The following TPD52L1 variants were observed in gnomAD, a reference collection of about 807,000 sequenced individuals.
The protein encoded by TPD52L1 is TPD52 like 1.
A neutral mutation model predicts 28.7 loss-of-function variants in TPD52L1; 18 were observed. That is an observed-to-expected ratio of 0.63 (90% CI 0.43 to 0.93). The LOEUF (loss-of-function observed/expected upper bound fraction) is 0.93, where lower values mean the gene tolerates loss of function less well. Ranked by LOEUF, TPD52L1 falls within the 40% of genes least tolerant of loss-of-function variation. The pLI, the probability that TPD52L1 is intolerant of heterozygous loss-of-function variation, is 0.00. For missense variants in TPD52L1, 203 were observed against 254.8 expected, an observed-to-expected ratio of 0.80 and a Z score of 1.39; for synonymous variants, 75 against 88.8, an observed-to-expected ratio of 0.84 and a Z score of 0.88.
At chr6:125,194,185 C>T (rs1324164706) in intron 1 of TPD52L1, among the ~76,000 whole-genome samples, 1 of 151,872 alleles carries the variant, frequency 6.6e-6, no homozygotes, top group Non-Finnish European at 1.5e-5. Flanking sequence ...GTGACTTTTT[C>T]CATTTCCTTT....
At chr6:125,213,875 C>T (rs4395737) in intron 1 of TPD52L1, among the ~76,000 whole-genome samples, 9,455 of 152,074 alleles carry the variant, frequency 0.062, 937 homozygotes, top group African/African-American at 0.21. Flanking sequence ...GGGTGGCATG[C>T]CCAAAAGGGA....
At chr6:125,159,956 A>G (rs1790408236) in intron 1 of TPD52L1, among the ~76,000 whole-genome samples, 1 of 152,142 alleles carries the variant, frequency 6.6e-6, no homozygotes, top group South Asian at 2.1e-4. Flanking sequence ...GGTCTTTCCC[A>G]TGCTGTTCTC....
chr6:125,241,630 C>T (rs1796616886), intron 3 of TPD52L1, among the ~76,000 whole-genome samples: 1 of 151,736 alleles, frequency 6.6e-6, no homozygotes, highest in Non-Finnish European at 1.5e-5. Context: ...TTTGTAGTAG[C>T]CTTGAATGTT....
chr6:125,216,318 T>C (rs2114948774), intron 1 of TPD52L1, among the ~76,000 whole-genome samples: 1 of 152,086 alleles, frequency 6.6e-6, no homozygotes, highest in East Asian at 1.9e-4. Flanking sequence ...GGATAGGAAG[T>C]CATCGTGAAG....
intron 1 of TPD52L1, among the ~76,000 whole-genome samples, chr6:125,213,662 G>A (rs1240694915): frequency 2.6e-5 from 4 of 152,120 alleles, no homozygotes; most frequent in Non-Finnish European, 4.4e-5. Flanking sequence ...CCTATCCATG[G>A]TTAACTGACT....
intron 6 of TPD52L1, chr6:125,260,986 G>GAAAAGA: frequency 3.9e-5 from 1 of 25,546 alleles, no homozygotes; most frequent in South Asian, 1.7e-3. Flanking sequence ...GAAAAGAAAA[G>GAAAAGA]AAAGAAAGAA....
At chr6:125,173,808 C>T (rs961602749) in intron 1 of TPD52L1, among the ~76,000 whole-genome samples, 2 of 152,104 alleles carry the variant, frequency 1.3e-5, no homozygotes, top group African/African-American at 4.8e-5. Context: ...GATGCTGATA[C>T]TTCTCGTTTA....
chr6:125,228,662 G>A (rs2114985535), intron 2 of TPD52L1, among the ~76,000 whole-genome samples: 1 of 152,284 alleles, frequency 6.6e-6, no homozygotes, highest in African/African-American at 2.4e-5. Flanking sequence ...TCAACATAGT[G>A]AGACCCTGTC....
chr6:125,255,520 C>A (rs754932533), intron 5 of TPD52L1, among the ~76,000 whole-genome samples: 31 of 152,148 alleles, frequency 2.0e-4, no homozygotes, highest in Non-Finnish European at 3.7e-4. Flanking sequence ...TCTGAATTCA[C>A]CATTGTTAAT....
At chr6:125,230,638 G>A (rs751394687) in intron 3 of TPD52L1, among the ~76,000 whole-genome samples, 21 of 152,136 alleles carry the variant, frequency 1.4e-4, no homozygotes, top group Non-Finnish European at 2.8e-4. Flanking sequence ...TTGCTCCTAT[G>A]AGAAGATGTC....
chr6:125,172,542 A>AC lies in TPD52L1; in HGVS notation c.19+18572_19+18573insC, dbSNP rs1385683074. ...TATATATATATATATATATATATAT[A>AC]TATATATATAATATATATACTATAT... On this transcript the variant is annotated intron_variant, in intron 1 of 6. Transcript: ENST00000534000. 4.1e-4 allele frequency among the ~76,000 whole-genome samples: 38 copies of AC among 93,670 alleles called. 2 individuals carry two copies. The highest frequency in any genetic ancestry group is 1.5e-3 in the East Asian group (3 of 1,948). 61.5% of individuals were successfully genotyped at this position (93,670 alleles called of 152,430 possible). A position where few individuals can be genotyped will look rare whatever the true frequency, so the allele number is the denominator to read the frequency against.
At chr6:125,167,278 A>T (rs1454844944) in intron 1 of TPD52L1, among the ~76,000 whole-genome samples, 2 of 151,522 alleles carry the variant, frequency 1.3e-5, no homozygotes, top group African/African-American at 4.9e-5. Context: ...ACAAAAAAAC[A>T]CCTCTTATGG....
chr6:125,179,808 G>A (rs1384249483), intron 1 of TPD52L1, among the ~76,000 whole-genome samples: 1 of 152,102 alleles, frequency 6.6e-6, no homozygotes, highest in Non-Finnish European at 1.5e-5. Context: ...TTTATAGATG[G>A]AAATGTGAAG....
intron 1 of TPD52L1, among the ~76,000 whole-genome samples, chr6:125,177,102 G>A (rs886643007): frequency 6.6e-5 from 10 of 152,114 alleles, no homozygotes; most frequent in East Asian, 5.8e-4. Context: ...ATACAGTAAC[G>A]GCTGCTACTT....
intron 1 of TPD52L1, among the ~76,000 whole-genome samples, chr6:125,202,638 T>A (rs572060209): frequency 6.6e-6 from 1 of 152,322 alleles, no homozygotes; most frequent in East Asian, 1.9e-4. Flanking sequence ...TGACTTTTTA[T>A]TAATGAGCTT....
intron 3 of TPD52L1, among the ~76,000 whole-genome samples, chr6:125,247,490 T>G (rs528561122): frequency 2.0e-5 from 3 of 152,270 alleles, no homozygotes; most frequent in African/African-American, 4.8e-5. Context: ...ATCTGTCCAT[T>G]CTATCCCTGT....
chr6:125,155,364 A>C (rs1252110203), intron 1 of TPD52L1, among the ~76,000 whole-genome samples: 1 of 152,246 alleles, frequency 6.6e-6, no homozygotes, highest in African/African-American at 2.4e-5. Context: ...TGGAACCTGA[A>C]CATGGGTATA....
intron 4 of TPD52L1, chr6:125,251,877 A>G (rs1797288847): frequency 5.7e-6 from 4 of 700,386 alleles, no homozygotes; most frequent in Non-Finnish European, 9.5e-6. Flanking sequence ...TTAAAAAGTC[A>G]GTGTAATCAA....
At chr6:125,261,678 T>A (rs1798068261) in intron 6 of TPD52L1, 2 of 152,156 alleles carry the variant, frequency 1.3e-5, no homozygotes, top group Admixed American at 1.3e-4. Flanking sequence ...TTTTTCCTTT[T>A]TGTATTATGA....
Sources: allele counts gnomAD v4.1 joint callset (sites outside exome capture counted in the v4.1 genomes callset), GRCh38; gene constraint gnomAD v4.1.1; transcripts MANE v1.5; gene names NCBI Gene and HGNC (gene_info 2026-07-23, HGNC 2026-07-21).